DLG2: variants seen among roughly 807,000 people sequenced by gnomAD.
The protein encoded by DLG2 is discs large MAGUK scaffold protein 2, also known as disks large homolog 2.
Under a neutral mutation model 132.5 loss-of-function variants are expected in DLG2, and 45 were observed. The ratio of observed to expected loss-of-function variants is 0.34; its 90% CI spans 0.27 to 0.44. DLG2 has a LOEUF of 0.44. Among genes scored for constraint, DLG2 ranks in the 20% least tolerant of loss-of-function variants. The probability of loss-of-function intolerance (pLI) is 1.00; values close to 1 mark genes in which losing one functional copy is unlikely to be tolerated. For missense variants in DLG2, 1,045 were observed against 1,196.9 expected (o/e 0.87, Z 1.87); for synonymous variants, 424 against 419.6 (o/e 1.01, Z -0.13).
chr11:83,893,424 T>C (rs1442096472), intron 15 of DLG2, among the ~76,000 whole-genome samples: 1 of 152,214 alleles, frequency 6.6e-6, no homozygotes, highest in Non-Finnish European at 1.5e-5. Flanking sequence ...CTAGCCATGC[T>C]GGCCTTCTTC....
chr11:84,787,225 C>T (rs2073055936), intron 6 of DLG2, among the ~76,000 whole-genome samples: 1 of 152,094 alleles, frequency 6.6e-6, no homozygotes, highest in Non-Finnish European at 1.5e-5. Context: ...TAGGGGGCTT[C>T]TGTACTTTCT....
At chr11:83,709,687 CAGA>C (rs766383252) in intron 18 of DLG2, among the ~76,000 whole-genome samples, 3 of 152,120 alleles carry the variant, frequency 2.0e-5, no homozygotes, top group Non-Finnish European at 2.9e-5. Context: ...TGGCTTGTTT[CAGA>C]AGGTGAAACT....
chr11:84,484,128 A>T (rs2099145087), intron 7 of DLG2, among the ~76,000 whole-genome samples: 1 of 152,174 alleles, frequency 6.6e-6, no homozygotes. Flanking sequence ...GGTACAAGAG[A>T]TGGTTGCACC....
At chr11:84,600,224 GAGAAAGAAAGA>G (rs2099573570) in intron 6 of DLG2, among the ~76,000 whole-genome samples, 1 of 100,572 alleles carries the variant, frequency 9.9e-6, no homozygotes, top group African/African-American at 5.0e-5. Flanking sequence ...AAGAAAGAAA[GAGAAAGAAAGA>G]CAGAAAAGCA....
At chr11:85,368,331 G>A (rs2084707779) in intron 3 of DLG2, among the ~76,000 whole-genome samples, 1 of 152,184 alleles carries the variant, frequency 6.6e-6, no homozygotes, top group Non-Finnish European at 1.5e-5. Context: ...ACAAAGCCCT[G>A]TGCTAGCCAT....
chr11:85,190,085 T>C (rs1046231787), intron 4 of DLG2, among the ~76,000 whole-genome samples: 1 of 152,228 alleles, frequency 6.6e-6, no homozygotes, highest in Non-Finnish European at 1.5e-5. Context: ...TGAAAGTTTG[T>C]TCATCCTAGC....
chr11:85,446,472 G>A (rs907762424), intron 3 of DLG2, among the ~76,000 whole-genome samples: 25 of 152,090 alleles, frequency 1.6e-4, no homozygotes, highest in African/African-American at 6.0e-4. Context: ...ATACTGCTTT[G>A]TAATTCTTAT....
intron 7 of DLG2, among the ~76,000 whole-genome samples, chr11:84,423,600 T>C (rs767655973): frequency 1.1e-4 from 17 of 152,174 alleles, no homozygotes; most frequent in Non-Finnish European, 2.4e-4. Flanking sequence ...CTGTTGAATG[T>C]TGAGTACTGA....
intron 6 of DLG2, among the ~76,000 whole-genome samples, chr11:84,595,218 C>A (rs1593232181): frequency 1.3e-5 from 2 of 152,148 alleles, no homozygotes; most frequent in East Asian, 3.9e-4. Flanking sequence ...GATCCTCCTA[C>A]CTTTGCCTCC....
chr11:84,895,869 A>G (rs1261904119), intron 6 of DLG2, among the ~76,000 whole-genome samples: 1 of 152,166 alleles, frequency 6.6e-6, no homozygotes, highest in Non-Finnish European at 1.5e-5. Flanking sequence ...CTGAGAATCC[A>G]GATAGTTTAT....
At chr11:84,414,372 T>A (rs554238163) in intron 7 of DLG2, among the ~76,000 whole-genome samples, 33 of 152,300 alleles carry the variant, frequency 2.2e-4, no homozygotes, top group African/African-American at 7.5e-4. Flanking sequence ...GGTAGGTGAA[T>A]CTGAACTTTC....
chr11:85,118,948 T>A (rs1365024713), intron 5 of DLG2, among the ~76,000 whole-genome samples: 1 of 151,704 alleles, frequency 6.6e-6, no homozygotes, highest in Non-Finnish European at 1.5e-5. Flanking sequence ...CTAATAGTAA[T>A]AAGATAAATA....
At chr11:83,940,328 T>C (rs1217789275) in intron 14 of DLG2, among the ~76,000 whole-genome samples, 1 of 152,236 alleles carries the variant, frequency 6.6e-6, no homozygotes, top group Admixed American at 6.5e-5. Flanking sequence ...TTCTTCATGA[T>C]TGCCACTTGG....
At chr11:84,977,590 G>GA (rs2055085542) in intron 6 of DLG2, among the ~76,000 whole-genome samples, 1 of 152,128 alleles carries the variant, frequency 6.6e-6, no homozygotes, top group Non-Finnish European at 1.5e-5. Context: ...TCTAAGTGAT[G>GA]AAAAACTAAA....
intron 14 of DLG2, among the ~76,000 whole-genome samples, chr11:83,940,980 C>T (rs867125266): frequency 1.3e-5 from 2 of 152,224 alleles, no homozygotes; most frequent in African/African-American, 4.8e-5. Flanking sequence ...TCTCTCTTGT[C>T]ATGTCTGTGG....
chr11:83,669,443 A>C (rs368500031), intron 18 of DLG2, among the ~76,000 whole-genome samples: 2 of 152,282 alleles, frequency 1.3e-5, no homozygotes. Context: ...CTACATGTAC[A>C]TTTCTATGCC....
chr11:83,504,719 T>C (rs1333721124), intron 21 of DLG2, among the ~76,000 whole-genome samples: 1 of 152,102 alleles, frequency 6.6e-6, no homozygotes, highest in Admixed American at 6.5e-5. Flanking sequence ...CTAGGAGTGA[T>C]GGTGAGTGGT....
intron 10 of DLG2, among the ~76,000 whole-genome samples, chr11:84,096,140 A>C (rs1417900183): frequency 6.6e-6 from 1 of 152,128 alleles, no homozygotes; most frequent in Non-Finnish European, 1.5e-5. Context: ...CTGGATTTTT[A>C]ATGTGGTCAA....
At chr11:83,957,367 A>G (rs1313397307) in intron 14 of DLG2, among the ~76,000 whole-genome samples, 1 of 152,208 alleles carries the variant, frequency 6.6e-6, no homozygotes, top group Non-Finnish European at 1.5e-5. Flanking sequence ...GTCAGTAGTC[A>G]AAACAGTCTG....
Sources: gnomAD v4.1 joint callset for allele counts (sites outside exome capture counted in the v4.1 genomes callset) on GRCh38, gnomAD v4.1.1 for gene constraint, MANE v1.5 for transcripts, NCBI Gene and HGNC (gene_info 2026-07-23, HGNC 2026-07-21) for gene names.